ZFPM2: variants seen among roughly 807,000 people sequenced by gnomAD.
ZFPM2 encodes the protein zinc finger protein, FOG family member 2.
A neutral mutation model predicts 98.6 loss-of-function variants in ZFPM2; 20 were observed. The observed-to-expected ratio is 0.20, with a 90% confidence interval of 0.14 to 0.29. The LOEUF (loss-of-function observed/expected upper bound fraction) is 0.29. Among genes scored for constraint, ZFPM2 ranks in the 10% least tolerant of loss-of-function variants. The pLI, the probability that ZFPM2 is intolerant of heterozygous loss-of-function variation, is 1.00. For missense variants in ZFPM2, 1,310 were observed against 1,388.6 expected, an observed-to-expected ratio of 0.94 and a Z score of 0.90; for synonymous variants, 518 against 502.7, an observed-to-expected ratio of 1.03 and a Z score of -0.41.
intron 5 of ZFPM2, among the ~76,000 whole-genome samples, chr8:105,700,689 G>A (rs1811121346): frequency 6.6e-6 from 1 of 151,940 alleles, no homozygotes; most frequent in African/African-American, 2.4e-5. Flanking sequence ...TCCACCTTAC[G>A]GGTTCATGTG....
intron 6 of ZFPM2, 130 bp from the exon 7 acceptor site, chr8:105,798,594 G>T (rs1444383071): frequency 7.1e-6 from 5 of 708,368 alleles, no homozygotes; most frequent in Non-Finnish European, 9.6e-6. Flanking sequence ...ACCAAAGACT[G>T]TTACTCATCT....
At chr8:105,771,713 A>C (rs1435908590) in intron 5 of ZFPM2, among the ~76,000 whole-genome samples, 1 of 152,080 alleles carries the variant, frequency 6.6e-6, no homozygotes, top group Non-Finnish European at 1.5e-5. Context: ...CCTGCCTTCC[A>C]AGCTGCCCTT....
At chr8:105,715,487 A>C (rs1270906635) in intron 5 of ZFPM2, among the ~76,000 whole-genome samples, 1 of 151,752 alleles carries the variant, frequency 6.6e-6, no homozygotes, top group Non-Finnish European at 1.5e-5. Flanking sequence ...AATTTACTAT[A>C]TGGATTTTAA....
intron 5 of ZFPM2, among the ~76,000 whole-genome samples, chr8:105,697,809 A>G (rs1811053475): frequency 6.6e-6 from 1 of 152,198 alleles, no homozygotes; most frequent in Non-Finnish European, 1.5e-5. Context: ...ATGAATGGCT[A>G]AAGTAATTTC....
At chr8:105,368,432 TC>T in intron 1 of ZFPM2, among the ~76,000 whole-genome samples, 1 of 152,302 alleles carries the variant, frequency 6.6e-6, no homozygotes, top group East Asian at 1.9e-4. Flanking sequence ...CTCTTTGTAC[TC>T]TTTCCACTTT....
rs1362112997 is a variant in ZFPM2, at chr8:105,443,313, AAAAAACAAAAAAC to A, written c.200-961_200-949del. ...GACAGAGCGAGTAAGACTCCTTCTC[AAAAAACAAAAAAC>A]AAAAAAAAAAAAACTTGGCATTATT... On this transcript the variant is annotated intron_variant, in intron 2 of 7. Coordinates refer to ENST00000407775, the MANE Select transcript of ZFPM2 (RefSeq NM_012082.4). 1.8e-5 allele frequency among the ~76,000 whole-genome samples: 2 copies of A among 111,222 alleles called. 1 individual carries two copies. The highest frequency in any genetic ancestry group is 8.5e-5 in the African/African-American group (2 of 23,456). The allele number at this position is 111,222 out of a possible 152,430, so 73.0% of individuals were successfully genotyped here.
At chr8:105,458,715 A>G (rs1180832739) in intron 3 of ZFPM2, among the ~76,000 whole-genome samples, 1 of 152,178 alleles carries the variant, frequency 6.6e-6, no homozygotes, top group Non-Finnish European at 1.5e-5. Context: ...TTTTCTCTAT[A>G]AAACCAATTA....
At chr8:105,505,718 G>A (rs302961) in intron 3 of ZFPM2, among the ~76,000 whole-genome samples, 34,087 of 151,946 alleles carry the variant, frequency 0.22, 4,000 homozygotes, top group East Asian at 0.42. Flanking sequence ...ATTCGTAATA[G>A]TTAAGCTAAT....
chr8:105,453,893 T>G (rs1166697576), intron 3 of ZFPM2, among the ~76,000 whole-genome samples: 3 of 152,038 alleles, frequency 2.0e-5, no homozygotes, highest in Non-Finnish European at 4.4e-5. Context: ...CCAAAGTGTC[T>G]AGAGTATTTT....
At chr8:105,566,642 T>C (rs1162843822) in intron 4 of ZFPM2, among the ~76,000 whole-genome samples, 2 of 152,184 alleles carry the variant, frequency 1.3e-5, no homozygotes, top group African/African-American at 2.4e-5. Flanking sequence ...GTTGGGTGTC[T>C]GAAATTTAAA....
At position 105,408,208 on chromosome 8, in the gene ZFPM2, TC is replaced by T. The variant is rs1740103047; in HGVS notation, c.41-10935del. On this transcript the variant is annotated intron_variant, in intron 1 of 7. Coordinates refer to ENST00000407775, the MANE Select transcript of ZFPM2 (RefSeq NM_012082.4). ...TCCTAATTCTCCAGAGAGTAAGTGT[TC>T]TTCTTAAAATTATAGCTATGTCGAG... is the stretch of plus-strand genomic sequence containing the variant. Among the ~76,000 whole-genome samples, 3 of 151,988 alleles carry T rather than the reference TC, an allele frequency of 2.0e-5. No homozygotes were observed. The South Asian group carries it at 6.2e-4, about 31-fold the overall frequency.
chr8:105,525,468 C>T (rs993949639), intron 3 of ZFPM2, among the ~76,000 whole-genome samples: 2 of 152,142 alleles, frequency 1.3e-5, no homozygotes, highest in African/African-American at 2.4e-5. Flanking sequence ...ATAGTAGGCT[C>T]ATTTAGGATT....
At chr8:105,570,389 A>T (rs368740388) in intron 4 of ZFPM2, among the ~76,000 whole-genome samples, 1 of 152,060 alleles carries the variant, frequency 6.6e-6, no homozygotes, top group Non-Finnish European at 1.5e-5. Context: ...GGCCTCAGTA[A>T]TCAAAGGCCT....
Position 105,628,707 on chromosome 8 carries a change from A to T in ZFPM2, c.421-5539A>T, listed in dbSNP as rs373044400. Among the ~76,000 whole-genome samples, 127 of 151,932 alleles carry T rather than the reference A, an allele frequency of 8.4e-4. 3 individuals carry two copies. The South Asian group carries it at 0.026, about 31-fold the overall frequency. On this transcript the variant is annotated intron_variant, in intron 4 of 7. Transcript: ENST00000407775. ...GTCGGACTTCAGGGGAAGATTACCT[A>T]CCCACCCCGTCCCCTTTTCAGCTCC...
At chr8:105,384,418 C>A (rs943713721) in intron 1 of ZFPM2, among the ~76,000 whole-genome samples, 3 of 151,964 alleles carry the variant, frequency 2.0e-5, no homozygotes, top group Admixed American at 2.0e-4. Context: ...CTCAGTTAAT[C>A]CCAGGAGGTG....
intron 3 of ZFPM2, among the ~76,000 whole-genome samples, chr8:105,518,523 T>C (rs907101163): frequency 3.3e-5 from 5 of 152,214 alleles, no homozygotes; most frequent in African/African-American, 4.8e-5. Context: ...AATGTGTGTG[T>C]TGATTTGCTG....
chr8:105,449,447 G>A (rs1451705751), intron 3 of ZFPM2, among the ~76,000 whole-genome samples: 1 of 151,880 alleles, frequency 6.6e-6, no homozygotes, highest in East Asian at 1.9e-4. Context: ...TATATGTTAA[G>A]CTTTGGGTCA....
In ZFPM2 at chr8:105,763,501, C is replaced by T. The variant is rs573054107; in HGVS notation, c.533-25217C>T. Among the ~76,000 whole-genome samples, 69 of 151,894 alleles carry T rather than the reference C, an allele frequency of 4.5e-4. 1 individual carries two copies. The highest frequency in any genetic ancestry group is 7.1e-4 in the Non-Finnish European group (48 of 67,866). On this transcript the variant is annotated intron_variant, in intron 5 of 7. Coordinates refer to ENST00000407775, the MANE Select transcript of ZFPM2 (RefSeq NM_012082.4). The stretch of plus-strand genomic sequence containing the variant: ...CTTCCAGGAAAGAGTTCTTGCCATT[C>T]CAAGTAAATAATTATGAGAAGAGAG...
At chr8:105,350,104 G>T (rs1812612777) in intron 1 of ZFPM2, among the ~76,000 whole-genome samples, 1 of 152,158 alleles carries the variant, frequency 6.6e-6, no homozygotes, top group South Asian at 2.1e-4. Flanking sequence ...AGGGGTGATG[G>T]TGCAGGAGGA....
Sources: allele counts gnomAD v4.1 joint callset (sites outside exome capture counted in the v4.1 genomes callset), GRCh38; gene constraint gnomAD v4.1.1; transcripts MANE v1.5; gene names NCBI Gene and HGNC (gene_info 2026-07-23, HGNC 2026-07-21).